The following PPFIBP1 variants were observed in gnomAD, a reference collection of about 807,000 sequenced individuals.
PPFIBP1 encodes the protein liprin-beta-1.
Under a neutral mutation model 137.8 loss-of-function variants are expected in PPFIBP1, and 112 were observed. That is an observed-to-expected ratio of 0.81 (90% CI 0.70 to 0.95). The LOEUF (loss-of-function observed/expected upper bound fraction) is 0.95, where lower values mean the gene tolerates loss of function less well. Ranked by LOEUF, PPFIBP1 falls within the 40% of genes least tolerant of loss-of-function variation. PPFIBP1 has a pLI of 0.00. For synonymous variants in PPFIBP1, 378 were observed against 417.3 expected (o/e 0.91, Z 1.15); for missense variants, 1,083 against 1,196.6 (o/e 0.91, Z 1.40).
intron 2 of PPFIBP1, among the ~76,000 whole-genome samples, chr12:27,614,166 C>T (rs531438701): frequency 1.2e-4 from 19 of 152,156 alleles, no homozygotes; most frequent in Admixed American, 1.0e-3. Flanking sequence ...TCACTGGAGC[C>T]CACAAGTTCA....
At chr12:27,584,743 C>A (rs2051521045) in intron 2 of PPFIBP1, among the ~76,000 whole-genome samples, 1 of 152,174 alleles carries the variant, frequency 6.6e-6, no homozygotes, top group South Asian at 2.1e-4. Flanking sequence ...AAGAAATTAT[C>A]ATTTGTTGTT....
rs577377242 is a variant in PPFIBP1 at position 27,646,292 on chromosome 12, G to A, written c.357+144G>A. ...AGCCATCTGTACACAATAGGGAGTGGTGAGGATTGGGGCAGAATGATGGTG... is the reference window on the plus strand; with the variant it reads ...AGCCATCTGTACACAATAGGGAGTGATGAGGATTGGGGCAGAATGATGGTG... On this transcript the variant is annotated intron_variant, in intron 5 of 29. Transcript: ENST00000228425. The A allele has an allele frequency of 1.9e-5, 13 of 702,446 alleles. No individual in the cohort carries two copies. In the East Asian group the frequency reaches 3.7e-4, roughly 20 times the overall value. The allele number at this position is 702,446 out of a possible 1,614,324, so 43.5% of individuals were successfully genotyped here.
chr12:27,597,176 A>T (rs529639408), intron 2 of PPFIBP1, among the ~76,000 whole-genome samples: 4 of 152,038 alleles, frequency 2.6e-5, no homozygotes, highest in Non-Finnish European at 5.9e-5. Flanking sequence ...TTATTTATTT[A>T]TTTATTTTTG....
intron 20 of PPFIBP1, 116 bp from the exon 21 acceptor site, chr12:27,679,817 A>C: frequency 7.1e-7 from 1 of 1,413,772 alleles, no homozygotes. Context: ...TTAAATGTCT[A>C]TGTTAACAAC....
At chr12:27,594,145 A>T in intron 2 of PPFIBP1, 1 of 535,930 alleles carries the variant, frequency 1.9e-6, no homozygotes, top group East Asian at 3.7e-5. Context: ...CATGGTACTT[A>T]AGCAAAAACA....
intron 2 of PPFIBP1, among the ~76,000 whole-genome samples, chr12:27,609,632 C>A (rs180930635): frequency 6.6e-6 from 1 of 152,186 alleles, no homozygotes; most frequent in East Asian, 1.9e-4. Context: ...TACTTAAGAC[C>A]CTTCAATGGC....
intron 2 of PPFIBP1, among the ~76,000 whole-genome samples, chr12:27,583,557 C>T (rs542365062): frequency 1.3e-5 from 2 of 152,166 alleles, no homozygotes; most frequent in South Asian, 2.1e-4. Flanking sequence ...TTCCTGAGGT[C>T]GCACAGAGGC....
At chr12:27,585,774 A>G (rs10842942) in intron 2 of PPFIBP1, among the ~76,000 whole-genome samples, 23,627 of 152,198 alleles carry the variant, frequency 0.16, 2,181 homozygotes, top group South Asian at 0.25. Flanking sequence ...TTGAATGCCC[A>G]TTTGGGAGTG....
chr12:27,593,561 C>G, intron 2 of PPFIBP1: 1 of 369,574 alleles, frequency 2.7e-6, no homozygotes, highest in Non-Finnish European at 5.2e-6. Context: ...AGCTGGAAAT[C>G]TGAGTAGTTT....
intron 1 of PPFIBP1, among the ~76,000 whole-genome samples, chr12:27,542,824 C>T (rs1945814389): frequency 6.6e-6 from 1 of 152,116 alleles, no homozygotes; most frequent in African/African-American, 2.4e-5. Context: ...GTAGGCAAAA[C>T]ATGTTTTGTC....
chr12:27,689,277 G>T, intron 27 of PPFIBP1, 74 bp downstream of exon 27: 1 of 1,399,050 alleles, frequency 7.1e-7, no homozygotes, highest in South Asian at 1.5e-5. Context: ...TGGTTATTCT[G>T]TTTTCTGGGG....
chr12:27,653,178 A>G (rs1407023466), intron 7 of PPFIBP1, among the ~76,000 whole-genome samples: 1 of 152,208 alleles, frequency 6.6e-6, no homozygotes, highest in Non-Finnish European at 1.5e-5. Context: ...ATTTCTATTT[A>G]CAAAGTTTTA....
chr12:27,558,904 C>T (rs1157860661), intron 1 of PPFIBP1, among the ~76,000 whole-genome samples: 6 of 151,838 alleles, frequency 4.0e-5, no homozygotes, highest in African/African-American at 7.3e-5. Flanking sequence ...GCTTTATTAC[C>T]CAGGCTGGAG....
At chr12:27,526,874 C>G (rs1943818958) in intron 1 of PPFIBP1, among the ~76,000 whole-genome samples, 2 of 152,028 alleles carry the variant, frequency 1.3e-5, no homozygotes, top group Admixed American at 1.3e-4. Context: ...GGTCATCTGG[C>G]CTTAATGGAT....
intron 2 of PPFIBP1, among the ~76,000 whole-genome samples, chr12:27,596,336 A>T (rs2053304204): frequency 6.6e-6 from 1 of 152,148 alleles, no homozygotes; most frequent in Non-Finnish European, 1.5e-5. Context: ...TTCTGATGAC[A>T]TGATAGAAGA....
intron 13 of PPFIBP1, among the ~76,000 whole-genome samples, chr12:27,668,389 A>G (rs2059988680): frequency 6.6e-6 from 1 of 152,174 alleles, no homozygotes; most frequent in African/African-American, 2.4e-5. Flanking sequence ...ACTCCCATTA[A>G]AAAGGGGGAG....
At position 27,692,982 on chromosome 12, in the gene PPFIBP1, T is replaced by C. The variant is rs1566033402; in HGVS notation, c.*100T>C. On this transcript the variant is annotated 3_prime_UTR_variant, in exon 30 of 30. Transcript: ENST00000228425. ...CAACAGGCAGCGGATTGTCTATTGT[T>C]TGTTGTTCCAACTTCTGCTGTCGAG... The C allele has an allele frequency of 2.0e-5, 30 of 1,503,426 alleles. No individual in the cohort carries two copies. Among genetic ancestry groups the C allele is most frequent in the Non-Finnish European group, 2.6e-5 (29 of 1,125,656 alleles). The allele number at this position is 1,503,426 out of a possible 1,614,324, so 93.1% of individuals were successfully genotyped here.
intron 2 of PPFIBP1, among the ~76,000 whole-genome samples, chr12:27,584,817 G>A (rs574479182): frequency 2.2e-4 from 34 of 152,276 alleles, no homozygotes; most frequent in South Asian, 2.1e-4. Context: ...ACAACATCAC[G>A]TATCCCCATG....
intron 4 of PPFIBP1, chr12:27,636,790 C>G (rs1446389592): frequency 6.6e-6 from 1 of 152,012 alleles, no homozygotes; most frequent in Admixed American, 6.5e-5. Context: ...GTAGGATTTG[C>G]CCCCCATGAC....
Sources: allele counts gnomAD v4.1 joint callset (sites outside exome capture counted in the v4.1 genomes callset), GRCh38; gene constraint gnomAD v4.1.1; transcripts MANE v1.5; gene names NCBI Gene and HGNC (gene_info 2026-07-23, HGNC 2026-07-21).